OTUD7A: variants seen among roughly 807,000 people sequenced by gnomAD.
The protein encoded by OTUD7A is OTU deubiquitinase 7A, also known as OTU domain-containing protein 7A.
Under a neutral mutation model 65.7 loss-of-function variants are expected in OTUD7A, and 12 were observed. The observed-to-expected ratio is 0.18, with a 90% CI of 0.12 to 0.30. The LOEUF (loss-of-function observed/expected upper bound fraction) is 0.30. Among genes scored for constraint, OTUD7A ranks in the 10% least tolerant of loss-of-function variants. The probability of loss-of-function intolerance (pLI) is 1.00; values close to 1 mark genes in which losing one functional copy is unlikely to be tolerated. For synonymous variants in OTUD7A, 641 were observed against 586.3 expected (o/e 1.09, Z -1.35); for missense variants, 1,148 against 1,304.8 (o/e 0.88, Z 1.85).
chr15:31,562,242 G>A (rs1187411241), intron 4 of OTUD7A, among the ~76,000 whole-genome samples: 1 of 152,142 alleles, frequency 6.6e-6, no homozygotes, highest in African/African-American at 2.4e-5. Context: ...GCCTTGCCCC[G>A]CAGCACACCT....
chr15:31,565,653 C>T (rs1348907186), intron 4 of OTUD7A, among the ~76,000 whole-genome samples: 1 of 152,022 alleles, frequency 6.6e-6, no homozygotes, highest in Non-Finnish European at 1.5e-5. Context: ...AGGGTGAGAC[C>T]CTGTGAAACC....
intron 1 of OTUD7A, among the ~76,000 whole-genome samples, chr15:31,658,469 T>C (rs1463507218): frequency 6.6e-6 from 1 of 152,176 alleles, no homozygotes. Context: ...CAGTGTTCAT[T>C]GATCACTTAA....
At chr15:31,688,252 T>A (rs1269878112) in intron 1 of OTUD7A, among the ~76,000 whole-genome samples, 1 of 151,234 alleles carries the variant, frequency 6.6e-6, no homozygotes, top group Non-Finnish European at 1.5e-5. Flanking sequence ...AGAGAACTCT[T>A]GTAGAAATGA....
At chr15:31,565,255 A>C (rs1016972876) in intron 4 of OTUD7A, among the ~76,000 whole-genome samples, 1 of 152,338 alleles carries the variant, frequency 6.6e-6, no homozygotes, top group Middle Eastern at 3.4e-3. Context: ...CAATAAAATA[A>C]AAAACTGAAT....
intron 1 of OTUD7A, chr15:31,689,457 G>A (rs967460992): frequency 6.9e-6 from 1 of 145,778 alleles, no homozygotes; most frequent in African/African-American, 2.5e-5. Flanking sequence ...CCCAGTGGAA[G>A]GTGAGACCAC....
intron 1 of OTUD7A, among the ~76,000 whole-genome samples, chr15:31,667,839 G>T (rs1892363442): frequency 6.6e-6 from 1 of 152,162 alleles, no homozygotes; most frequent in South Asian, 2.1e-4. Context: ...TTCTAGTGGT[G>T]GCTTGGTAGT....
rs994268158 is a variant in OTUD7A at position 31,487,372 on chromosome 15, G to A, written c.1286+80C>T. On this transcript the variant is annotated intron_variant, in intron 11 of 12. Coordinates refer to ENST00000307050, the MANE Select transcript of OTUD7A (RefSeq NM_001382637.1). The surrounding 1 kb of genome is among the most constrained non-coding windows in gnomAD (Gnocchi z 6.0). ...GCCAGCTGTCCCAGGAGGAGCAGGGGTGGTACATTCCCTCCCCAGGATGCC... is the reference window on the plus strand; with the variant it reads ...GCCAGCTGTCCCAGGAGGAGCAGGGATGGTACATTCCCTCCCCAGGATGCC... 21 of 1,579,412 alleles carry A rather than the reference G, an allele frequency of 1.3e-5. No homozygotes were observed. The highest frequency in any genetic ancestry group is 6.8e-5 in the Admixed American group (4 of 58,526).
chr15:31,755,865 T>C (rs536268540), intron 1 of OTUD7A, among the ~76,000 whole-genome samples: 1 of 150,660 alleles, frequency 6.6e-6, no homozygotes, highest in African/African-American at 2.5e-5. Flanking sequence ...CCTAGGTCTG[T>C]TAACAGACTG....
chr15:31,512,945 G>A (rs2041778858), intron 8 of OTUD7A, among the ~76,000 whole-genome samples: 1 of 152,232 alleles, frequency 6.6e-6, no homozygotes, highest in African/African-American at 2.4e-5. Context: ...GGGGAGGAAA[G>A]TCTTTAAAGA....
intron 1 of OTUD7A, among the ~76,000 whole-genome samples, chr15:31,816,439 C>A (rs1896550205): frequency 6.6e-6 from 1 of 152,034 alleles, no homozygotes. Flanking sequence ...GCCTGTAATC[C>A]CAGCACTTTG....
At chr15:31,859,256 A>C (rs1897657612) in intron 1 of OTUD7A, among the ~76,000 whole-genome samples, 1 of 152,198 alleles carries the variant, frequency 6.6e-6, no homozygotes, top group Non-Finnish European at 1.5e-5. Context: ...TTGGTGTACA[A>C]CACATCATGT....
At chr15:31,837,372 C>CAAAAAAAAAAA (rs57479397) in intron 1 of OTUD7A, among the ~76,000 whole-genome samples, 4 of 120,316 alleles carry the variant, frequency 3.3e-5, no homozygotes, top group African/African-American at 1.3e-4. Flanking sequence ...ACTAAAAATA[C>CAAAAAAAAAAA]AAAAAAAAAA....
At chr15:31,670,197 G>A (rs1194134462) in intron 1 of OTUD7A, among the ~76,000 whole-genome samples, 1 of 151,032 alleles carries the variant, frequency 6.6e-6, no homozygotes, top group African/African-American at 2.5e-5. Context: ...GGGCATTTGG[G>A]TTGATTCCAT....
intron 10 of OTUD7A, among the ~76,000 whole-genome samples, chr15:31,495,113 G>T (rs1228385204): frequency 6.6e-6 from 1 of 152,138 alleles, no homozygotes; most frequent in Non-Finnish European, 1.5e-5. Flanking sequence ...CCTGAGGGGA[G>T]GCTGGCATCT....
chr15:31,856,674 C>T (rs1269972190), intron 1 of OTUD7A, among the ~76,000 whole-genome samples: 2 of 152,138 alleles, frequency 1.3e-5, no homozygotes, highest in Non-Finnish European at 2.9e-5. Context: ...TTCTCAACCC[C>T]TCCTCGCCAC....
chr15:31,523,880 A>G (rs1247039875), intron 8 of OTUD7A, among the ~76,000 whole-genome samples: 1 of 152,182 alleles, frequency 6.6e-6, no homozygotes, highest in African/African-American at 2.4e-5. Context: ...GGAGCAGGTG[A>G]GCTCTGGAGC....
chr15:31,506,599 T>G (rs2041572714), intron 8 of OTUD7A, among the ~76,000 whole-genome samples: 1 of 152,234 alleles, frequency 6.6e-6, no homozygotes, highest in South Asian at 2.1e-4. Flanking sequence ...TTTCAAATAT[T>G]TGGCACAGCG....
intron 1 of OTUD7A, among the ~76,000 whole-genome samples, chr15:31,669,522 G>T (rs1403093282): frequency 6.6e-6 from 1 of 152,222 alleles, no homozygotes; most frequent in South Asian, 2.1e-4. Flanking sequence ...CCCCAAGTCT[G>T]TTTCCAGGCA....
chr15:31,662,884 T>G (rs1892204439), intron 1 of OTUD7A, among the ~76,000 whole-genome samples: 1 of 152,210 alleles, frequency 6.6e-6, no homozygotes, highest in Admixed American at 6.5e-5. Context: ...AATGATAGCA[T>G]ATTACACAGT....
Sources: allele counts gnomAD v4.1 joint callset (sites outside exome capture counted in the v4.1 genomes callset), GRCh38; gene constraint gnomAD v4.1.1; non-coding constraint Gnocchi (gnomAD v3.1); transcripts MANE v1.5; gene names NCBI Gene and HGNC (gene_info 2026-07-23, HGNC 2026-07-21).